TTC28: variants seen among roughly 807,000 people sequenced by gnomAD.
TTC28 encodes tetratricopeptide repeat protein 28.
In TTC28, 61 loss-of-function variants were observed where a neutral mutation model predicts 198.0. The ratio of observed to expected loss-of-function variants is 0.31; its 90% CI spans 0.25 to 0.38. The LOEUF (loss-of-function observed/expected upper bound fraction) is 0.38. Ranked by LOEUF, TTC28 falls within the 10% of genes least tolerant of loss-of-function variation. The probability of loss-of-function intolerance (pLI) is 1.00; values close to 1 mark genes in which losing one functional copy is unlikely to be tolerated. For synonymous variants in TTC28, 1,171 were observed against 1,297.8 expected (o/e 0.90, Z 2.10); for missense variants, 2,678 against 3,164.0 (o/e 0.85, Z 3.69).
chr22:28,342,723 G>C (rs777959270), intron 2 of TTC28, among the ~76,000 whole-genome samples: 1 of 152,112 alleles, frequency 6.6e-6, no homozygotes, highest in Non-Finnish European at 1.5e-5. Flanking sequence ...TTACATTTTA[G>C]AACTGAAATA....
At chr22:28,197,188 G>A (rs1209452857) in intron 5 of TTC28, among the ~76,000 whole-genome samples, 8 of 148,294 alleles carry the variant, frequency 5.4e-5, no homozygotes, top group South Asian at 4.3e-4. Context: ...ACCAAACACC[G>A]CATGTTCTCA....
intron 5 of TTC28, among the ~76,000 whole-genome samples, chr22:28,248,790 G>A (rs866588282): frequency 3.9e-5 from 6 of 152,006 alleles, no homozygotes; most frequent in African/African-American, 1.4e-4. Flanking sequence ...ACCTCTTTCC[G>A]TGAGGGCTTG....
At chr22:28,050,705 C>T (rs756068955) in intron 12 of TTC28, among the ~76,000 whole-genome samples, 3 of 151,974 alleles carry the variant, frequency 2.0e-5, no homozygotes, top group Admixed American at 6.6e-5. Context: ...GCCAAATGAC[C>T]CCTTTAACAA....
chr22:28,435,847 A>C (rs1236713889), intron 2 of TTC28, among the ~76,000 whole-genome samples: 2 of 152,228 alleles, frequency 1.3e-5, no homozygotes, highest in Non-Finnish European at 2.9e-5. Flanking sequence ...TTAGGACTAA[A>C]AGGAGTAAAG....
chr22:28,585,600 CA>C (rs1304391273), intron 2 of TTC28, among the ~76,000 whole-genome samples: 1 of 152,112 alleles, frequency 6.6e-6, no homozygotes, highest in Non-Finnish European at 1.5e-5. Flanking sequence ...GTCCGTGGCC[CA>C]GGGGTTGGGG....
chr22:28,433,082 T>C (rs2047456253), intron 2 of TTC28, among the ~76,000 whole-genome samples: 1 of 152,188 alleles, frequency 6.6e-6, no homozygotes, highest in Admixed American at 6.5e-5. Context: ...GCTGGATGAC[T>C]GGCCAGCAAA....
At chr22:28,399,317 GTTT>G (rs695621) in intron 2 of TTC28, among the ~76,000 whole-genome samples, 13 of 121,968 alleles carry the variant, frequency 1.1e-4, no homozygotes, top group Non-Finnish European at 1.0e-4. Context: ...GACTAAAACT[GTTT>G]TTTTTTTTTT....
At chr22:28,172,705 A>G (rs1391711393) in intron 5 of TTC28, among the ~76,000 whole-genome samples, 1 of 151,784 alleles carries the variant, frequency 6.6e-6, no homozygotes, top group African/African-American at 2.4e-5. Context: ...TCAGGCTGGG[A>G]CTCTCCGTGA....
chr22:28,531,349 G>A (rs1225045101), intron 2 of TTC28, among the ~76,000 whole-genome samples: 1 of 152,132 alleles, frequency 6.6e-6, no homozygotes, highest in Non-Finnish European at 1.5e-5. Flanking sequence ...AATTCAACAA[G>A]AAGAGCTAAC....
intron 2 of TTC28, among the ~76,000 whole-genome samples, chr22:28,441,533 T>C (rs765265686): frequency 1.3e-5 from 2 of 152,078 alleles, no homozygotes; most frequent in Non-Finnish European, 2.9e-5. Flanking sequence ...CAGGATGAAG[T>C]AGAAAAGACA....
intron 6 of TTC28, among the ~76,000 whole-genome samples, chr22:28,161,740 G>A (rs191520571): frequency 2.5e-4 from 37 of 146,486 alleles, no homozygotes; most frequent in African/African-American, 8.5e-4. Flanking sequence ...GGACAGGACA[G>A]GACAGGACAG....
chr22:28,147,573 G>A (rs1225686865), intron 6 of TTC28, among the ~76,000 whole-genome samples: 1 of 152,102 alleles, frequency 6.6e-6, no homozygotes, highest in Admixed American at 6.5e-5. Flanking sequence ...AAAGAGCACT[G>A]ACTTTTGATT....
intron 14 of TTC28, among the ~76,000 whole-genome samples, chr22:28,009,564 T>C (rs953114515): frequency 2.0e-5 from 3 of 152,174 alleles, no homozygotes; most frequent in African/African-American, 4.8e-5. Context: ...AGGAGAATGA[T>C]CCAGGCCTTC....
intron 5 of TTC28, among the ~76,000 whole-genome samples, chr22:28,255,484 C>T (rs1287824446): frequency 6.6e-6 from 1 of 152,010 alleles, no homozygotes; most frequent in Non-Finnish European, 1.5e-5. Context: ...GAGTTCAAGA[C>T]CAGCCTGACC....
At chr22:28,583,788 A>T (rs1418586246) in intron 2 of TTC28, among the ~76,000 whole-genome samples, 1 of 152,202 alleles carries the variant, frequency 6.6e-6, no homozygotes, top group Non-Finnish European at 1.5e-5. Flanking sequence ...TATTTACAGA[A>T]TATAAGAATA....
At chr22:28,293,459 C>T (rs1046352931) in intron 5 of TTC28, among the ~76,000 whole-genome samples, 1 of 151,766 alleles carries the variant, frequency 6.6e-6, no homozygotes, top group Non-Finnish European at 1.5e-5. Flanking sequence ...ATGGTGGTTA[C>T]CAGAGTGGGT....
intron 2 of TTC28, among the ~76,000 whole-genome samples, chr22:28,428,887 G>A (rs565568344): frequency 7.0e-4 from 106 of 152,010 alleles, no homozygotes; most frequent in African/African-American, 2.4e-3. Context: ...TGATCTGCCC[G>A]CCTCGGCCTC....
intron 22 of TTC28, among the ~76,000 whole-genome samples, chr22:27,984,085 A>G (rs888959833): frequency 1.2e-4 from 19 of 152,114 alleles, no homozygotes; most frequent in Admixed American, 2.0e-4. Context: ...CAGACCCACC[A>G]TGGCCCATCT....
At chr22:28,464,190 C>T (rs984275177) in intron 2 of TTC28, among the ~76,000 whole-genome samples, 1 of 152,052 alleles carries the variant, frequency 6.6e-6, no homozygotes, top group Non-Finnish European at 1.5e-5. Flanking sequence ...GGGGAGGAGA[C>T]GTTTACAAAA....
Sources: gnomAD v4.1 joint callset for allele counts (sites outside exome capture counted in the v4.1 genomes callset) on GRCh38, gnomAD v4.1.1 for gene constraint, MANE v1.5 for transcripts, NCBI Gene and HGNC (gene_info 2026-07-23, HGNC 2026-07-21) for gene names.